Variants in BMP3 observed in about 807,000 individuals in gnomAD.
The protein encoded by BMP3 is bone morphogenetic protein 3 (osteogenic).
In BMP3, 23 loss-of-function variants were observed where a neutral mutation model predicts 38.1. That is an observed-to-expected ratio of 0.60 (90% CI 0.43 to 0.86). BMP3 has a LOEUF of 0.86. Among genes scored for constraint, BMP3 ranks in the 40% least tolerant of loss-of-function variants. The probability of loss-of-function intolerance (pLI) is 0.00; values close to 1 mark genes in which losing one functional copy is unlikely to be tolerated. For synonymous variants in BMP3, 258 were observed against 225.7 expected, an observed-to-expected ratio of 1.14 and a Z score of -1.28; for missense variants, 628 against 579.6, an observed-to-expected ratio of 1.08 and a Z score of -0.86.
chr4:81,047,912 G>A (rs946794697), intron 2 of BMP3, among the ~76,000 whole-genome samples: 1 of 144,432 alleles, frequency 6.9e-6, no homozygotes, highest in Admixed American at 7.1e-5. Context: ...CAGCCTGGGT[G>A]ACAGAGTGAG....
At position 81,031,316 on chromosome 4, in the gene BMP3, G is replaced by T; in HGVS notation, c.32G>T (p.Trp11Leu). The part of the protein sequence containing the change: MAGASRLLFL[W>L]LGCFCVSLAQ... ...GGGGCGAGCAGGCTGCTCTTTCTGT[G>T]GCTGGGCTGCTTCTGCGTGAGCCTG... Residue 11 changes from tryptophan to leucine, a missense_variant, in exon 1 of 3, where the codon TGG becomes TTG. By Grantham distance (61) the Trp-to-Leu change is moderately conservative. Coordinates refer to ENST00000282701, the MANE Select transcript of BMP3 (RefSeq NM_001201.5). 1 of 1,609,738 alleles carries T rather than the reference G, an allele frequency of 6.2e-7. No homozygotes were observed. The highest frequency in any genetic ancestry group is 1.7e-5 in the Admixed American group (1 of 59,716).
intron 1 of BMP3, among the ~76,000 whole-genome samples, chr4:81,039,121 G>A (rs1323552754): frequency 6.6e-6 from 1 of 152,170 alleles, no homozygotes; most frequent in Non-Finnish European, 1.5e-5. Context: ...GTTAAAGGCA[G>A]CACAGGGATG....
intron 1 of BMP3, among the ~76,000 whole-genome samples, chr4:81,034,941 A>T (rs1005377952): frequency 6.6e-6 from 1 of 152,156 alleles, no homozygotes; most frequent in Non-Finnish European, 1.5e-5. Flanking sequence ...ATCATTTTTG[A>T]TAGGTTTGAT....
chr4:81,053,625 C>G lies in BMP3; in HGVS notation c.*89C>G. 1.7e-6 allele frequency: 1 copy of G among 578,922 alleles called. No individual in the cohort carries two copies. The highest frequency in any genetic ancestry group is 2.4e-6 in the Non-Finnish European group (1 of 413,570). The allele number at this position is 578,922 out of a possible 1,614,324, so 35.9% of individuals were successfully genotyped here. A position where few individuals can be genotyped will look rare whatever the true frequency, so the allele number is the denominator to read the frequency against. ...TGTTTTTTTTTTTTTTTTTTTTGCACTGCCAATGCATTTTGTTTCAAAAGA... is the reference window on the plus strand; with the variant it reads ...TGTTTTTTTTTTTTTTTTTTTTGCAGTGCCAATGCATTTTGTTTCAAAAGA... On this transcript the variant is annotated 3_prime_UTR_variant, in exon 3 of 3. Transcript: ENST00000282701.
chr4:81,031,923 G>A (rs1471999918), intron 1 of BMP3, among the ~76,000 whole-genome samples: 1 of 152,152 alleles, frequency 6.6e-6, no homozygotes, highest in Non-Finnish European at 1.5e-5. Flanking sequence ...TGCCCTGAGT[G>A]ACTGGAGCAC....
intron 1 of BMP3, among the ~76,000 whole-genome samples, chr4:81,045,339 TTA>T (rs1285574418): frequency 6.6e-6 from 1 of 152,176 alleles, no homozygotes; most frequent in East Asian, 1.9e-4. Flanking sequence ...TAACTGTTAT[TTA>T]TATGTTCTGG....
chr4:81,042,727 T>C (rs1287626501), intron 1 of BMP3, among the ~76,000 whole-genome samples: 2 of 152,252 alleles, frequency 1.3e-5, no homozygotes, highest in South Asian at 2.1e-4. Flanking sequence ...CTGCCACTCA[T>C]ATCCCTTGGA....
intron 2 of BMP3, among the ~76,000 whole-genome samples, chr4:81,051,928 A>G (rs1052411209): frequency 2.0e-5 from 3 of 152,124 alleles, no homozygotes; most frequent in African/African-American, 4.8e-5. Context: ...AGTCTGATGT[A>G]TGGATTTTAT....
chr4:81,031,163 C>A lies in BMP3; in HGVS notation c.-122C>A. 2 of 1,091,286 alleles carry A rather than the reference C, an allele frequency of 1.8e-6. No homozygotes were observed. The highest frequency in any genetic ancestry group is 2.5e-6 in the Non-Finnish European group (2 of 786,110). 67.6% of individuals were successfully genotyped at this position (1,091,286 alleles called of 1,614,324 possible). A position where few individuals can be genotyped will look rare whatever the true frequency, so the allele number is the denominator to read the frequency against. On this transcript the variant is annotated 5_prime_UTR_variant, in exon 1 of 3. Transcript: ENST00000282701. ...TCGCTGCACCCGGCCGCGTCCCGGG[C>A]TCCGTGCGCCCTCGCCCCAGCTGGT...
At chr4:81,053,198 C>T (rs578226317) in intron 2 of BMP3, 147 bp from the exon 3 acceptor site, 16 of 481,180 alleles carry the variant, frequency 3.3e-5, no homozygotes, top group African/African-American at 2.0e-4. Context: ...GTGGGATAGG[C>T]GATTGGGCTT....
At chr4:81,053,237 A>T in intron 2 of BMP3, 108 bp from the exon 3 acceptor site, 1 of 807,476 alleles carries the variant, frequency 1.2e-6, no homozygotes, top group Non-Finnish European at 1.8e-6. Flanking sequence ...AGGTTTTATT[A>T]AATTGTTGAA....
In BMP3 at chr4:81,056,432, G is replaced by A. The variant is rs1740570254; in HGVS notation, c.*2896G>A. The A allele has an allele frequency of 6.6e-6, 1 of 152,118 alleles. No homozygotes were observed. Among genetic ancestry groups the A allele is most frequent in the Non-Finnish European group, 1.5e-5 (1 of 68,000 alleles). The allele number at this position is 152,118 out of a possible 1,614,324, so 9.4% of individuals were successfully genotyped here. A position where few individuals can be genotyped will look rare whatever the true frequency, so the allele number is the denominator to read the frequency against. ...GCCCACTGCAACCTCCACCTCCCAG[G>A]TTCAAGCAGTTCTCCTGCCTCAGCC... On this transcript the variant is annotated 3_prime_UTR_variant, in exon 3 of 3. Coordinates refer to ENST00000282701, the MANE Select transcript of BMP3 (RefSeq NM_001201.5).
At chr4:81,039,823 T>C (rs1242690937) in intron 1 of BMP3, among the ~76,000 whole-genome samples, 1 of 152,158 alleles carries the variant, frequency 6.6e-6, no homozygotes, top group Non-Finnish European at 1.5e-5. Context: ...GAGTCTGATA[T>C]AATTTAGAGC....
rs1472039221 is a variant in BMP3, at chr4:81,031,376, A to G, written c.92A>G (p.Glu31Gly). ...QGERPKPPFP[E>G]LRKAVPGDRT... ...GAGAGACCGAAGCCACCTTTCCCGG[A>G]GCTCCGCAAAGCTGTGCCAGGTGAC... Residue 31 changes from glutamate to glycine, a missense_variant, in exon 1 of 3, where the codon GAG becomes GGG. Glu to Gly is a moderately conservative substitution (Grantham distance 98). Coordinates refer to ENST00000282701, the MANE Select transcript of BMP3 (RefSeq NM_001201.5). The G allele has an allele frequency of 1.9e-6, 3 of 1,613,260 alleles. No individual in the cohort carries two copies. The highest frequency in any genetic ancestry group is 2.5e-6 in the Non-Finnish European group (3 of 1,179,804).
At chr4:81,048,763 A>G (rs1003675783) in intron 2 of BMP3, among the ~76,000 whole-genome samples, 2 of 152,242 alleles carry the variant, frequency 1.3e-5, no homozygotes, top group African/African-American at 2.4e-5. Flanking sequence ...AATTAAATGT[A>G]CACGCTTGGT....
chr4:81,031,257 A>C lies in BMP3; in HGVS notation c.-28A>C. ...CGGAGTGTCCCGCAGCGACGCCGGG[A>C]GCCGACGCGCCGCGCGGGTACCTAG... On this transcript the variant is annotated 5_prime_UTR_variant, in exon 1 of 3. Coordinates refer to ENST00000282701, the MANE Select transcript of BMP3 (RefSeq NM_001201.5). 6.4e-7 allele frequency: 1 copy of C among 1,552,774 alleles called. No homozygotes were observed. The highest frequency in any genetic ancestry group is 8.7e-7 in the Non-Finnish European group (1 of 1,149,484).
Position 81,031,442 on chromosome 4 carries a change from A to C in BMP3, c.158A>C (p.Gln53Pro). 6.2e-7 allele frequency: 1 copy of C among 1,613,822 alleles called. No homozygotes were observed. The highest frequency in any genetic ancestry group is 1.1e-5 in the South Asian group (1 of 91,018). The change falls in exon 1 of 3, where the codon CAA becomes CCA. Residue 53 changes from glutamine to proline, a missense_variant. Gln to Pro is a moderately conservative substitution (Grantham distance 76). Coordinates refer to ENST00000282701, the MANE Select transcript of BMP3 (RefSeq NM_001201.5). The part of the protein sequence containing the change: ...GGGPDSELQP[Q>P]DKVSEHMLRL... ...GGCCCGGACTCCGAGCTGCAGCCGC[A>C]AGACAAGGTCTCTGAACACATGCTG...
intron 1 of BMP3, among the ~76,000 whole-genome samples, chr4:81,033,418 G>A (rs72868581): frequency 1.3e-5 from 2 of 152,116 alleles, no homozygotes; most frequent in Non-Finnish European, 2.9e-5. Context: ...TAGTCTCATA[G>A]CATCAAATAA....
At position 81,045,717 on chromosome 4, in the gene BMP3, CTCTT is replaced by C. The variant is rs747174163; in HGVS notation, c.317-15_317-12del. On this transcript the variant is annotated splice_polypyrimidine_tract_variant and intron_variant, in intron 1 of 2. Coordinates refer to ENST00000282701, the MANE Select transcript of BMP3 (RefSeq NM_001201.5). Reference sequence around the variant, plus strand: ...ATGGTCTTGTTTTCTCCTGTTTACTCTCTTTCTTTTTCCTTCCTAGAAACTCTTG... The same window carrying C: ...ATGGTCTTGTTTTCTCCTGTTTACTCTCTTTTTCCTTCCTAGAAACTCTTG... The C allele has an allele frequency of 4.4e-5, 67 of 1,538,908 alleles. No homozygotes were observed. The highest frequency in any genetic ancestry group is 3.4e-4 in the South Asian group (27 of 78,846).
Sources: gnomAD v4.1 joint callset for allele counts (sites outside exome capture counted in the v4.1 genomes callset) on GRCh38, gnomAD v4.1.1 for gene constraint, MANE v1.5 for transcripts, NCBI Gene and HGNC (gene_info 2026-07-23, HGNC 2026-07-21) for gene names.